GATAD2A: variants seen among roughly 807,000 people sequenced by gnomAD.
GATAD2A encodes transcriptional repressor p66-alpha.
GATAD2A carries 12 observed loss-of-function variants against 68.5 expected under a neutral mutation model. That is an observed-to-expected ratio of 0.18 (90% CI 0.11 to 0.28). The LOEUF is 0.28. Among genes scored for constraint, GATAD2A ranks in the 10% least tolerant of loss-of-function variants. The pLI is 1.00. For synonymous variants in GATAD2A, 410 were observed against 375.3 expected, an observed-to-expected ratio of 1.09 and a Z score of -1.07; for missense variants, 755 against 868.5, an observed-to-expected ratio of 0.87 and a Z score of 1.64.
chr19:19,436,611 A>T (rs186001855), intron 1 of GATAD2A, among the ~76,000 whole-genome samples: 3 of 152,316 alleles, frequency 2.0e-5, no homozygotes, highest in Admixed American at 2.0e-4. Flanking sequence ...AGGGCCCCAC[A>T]CTGGTTCTTG....
intron 2 of GATAD2A, among the ~76,000 whole-genome samples, chr19:19,470,941 G>A (rs191471390): frequency 6.6e-6 from 1 of 152,280 alleles, no homozygotes; most frequent in East Asian, 1.9e-4. Flanking sequence ...ACCTGCAGCA[G>A]CATGATTCAT....
At chr19:19,403,718 G>C (rs1445687921), upstream of GATAD2A, among the ~76,000 whole-genome samples, 1 of 152,182 alleles carries the variant, frequency 6.6e-6, no homozygotes, top group Admixed American at 6.5e-5. Context: ...CAAGACCCAG[G>C]TGAGGAGCAG....
At chr19:19,468,982 T>C (rs1198661617) in intron 2 of GATAD2A, among the ~76,000 whole-genome samples, 2 of 152,240 alleles carry the variant, frequency 1.3e-5, no homozygotes. Context: ...GTCATATTAG[T>C]ACAAAAGATG....
chr19:19,413,147 A>G (rs1033538016), intron 1 of GATAD2A, among the ~76,000 whole-genome samples: 2 of 152,188 alleles, frequency 1.3e-5, no homozygotes, highest in African/African-American at 4.8e-5. Flanking sequence ...TGGGGTTTCA[A>G]GTTGGTGGAA....
rs568442303 is a variant in GATAD2A, at chr19:19,472,641, G to GT, written c.269+7038dup. ...GAGCCACTGTACCCAGCCTTGATTTGTTTTTTTTTTTGGATGGAAGAGCAC... is the reference window on the plus strand; with the variant it reads ...GAGCCACTGTACCCAGCCTTGATTTGTTTTTTTTTTTTGGATGGAAGAGCAC... On this transcript the variant is annotated intron_variant, in intron 2 of 11. Transcript: ENST00000683918. The GT allele has an allele frequency of 7.3e-3, 1,060 of 145,466 alleles. 11 individuals carry two copies. The highest frequency in any genetic ancestry group is 0.027 in the South Asian group (122 of 4,574). 9.0% of individuals were successfully genotyped at this position (145,466 alleles called of 1,614,324 possible). A position where few individuals can be genotyped will look rare whatever the true frequency, so the allele number is the denominator to read the frequency against.
intron 1 of GATAD2A, among the ~76,000 whole-genome samples, chr19:19,434,186 C>T (rs1269039818): frequency 6.6e-6 from 1 of 152,102 alleles, no homozygotes; most frequent in Non-Finnish European, 1.5e-5. Context: ...TGGTTTGTGC[C>T]TGTGTGTAGA....
chr19:19,407,210 C>T (rs1247927721), intron 1 of GATAD2A, among the ~76,000 whole-genome samples: 1 of 152,226 alleles, frequency 6.6e-6, no homozygotes, highest in East Asian at 1.9e-4. Flanking sequence ...CTTAACTCTT[C>T]TGGTAGTCGT....
chr19:19,415,416 A>G, intron 1 of GATAD2A, among the ~76,000 whole-genome samples: 1 of 150,882 alleles, frequency 6.6e-6, no homozygotes, highest in Non-Finnish European at 1.5e-5. Context: ...TGGCCTCCCA[A>G]AGCCCTGGGA....
chr19:19,473,277 G>A (rs1160708014), intron 2 of GATAD2A, among the ~76,000 whole-genome samples: 1 of 152,204 alleles, frequency 6.6e-6, no homozygotes, highest in Non-Finnish European at 1.5e-5. Flanking sequence ...AGGCTGGGAT[G>A]TGTGTTCCTT....
At chr19:19,396,853 C>T (rs771264559) in intron 1 of GATAD2A, among the ~76,000 whole-genome samples, 4 of 152,084 alleles carry the variant, frequency 2.6e-5, no homozygotes, top group South Asian at 2.1e-4. Context: ...GGATTACAGG[C>T]GCCTGCCACC....
chr19:19,460,270 A>T (rs1275509421), intron 1 of GATAD2A, among the ~76,000 whole-genome samples: 1 of 152,230 alleles, frequency 6.6e-6, no homozygotes, highest in Non-Finnish European at 1.5e-5. Context: ...TTCTGGGTCC[A>T]GAGGCCCATC....
At chr19:19,391,825 C>T (rs987719094) in intron 1 of GATAD2A, among the ~76,000 whole-genome samples, 3 of 152,262 alleles carry the variant, frequency 2.0e-5, no homozygotes, top group African/African-American at 7.2e-5. Flanking sequence ...ATTTATGGAA[C>T]TGAAATAGCT....
At chr19:19,386,190 G>C (rs1403188883) in intron 1 of GATAD2A, 1 of 152,336 alleles carries the variant, frequency 6.6e-6, no homozygotes, top group Non-Finnish European at 1.5e-5. Flanking sequence ...GGTGCCCCAG[G>C]CTCTCTGGGG....
intron 11 of GATAD2A, among the ~76,000 whole-genome samples, chr19:19,504,639 CCT>C (rs2060763666): frequency 7.3e-6 from 1 of 136,886 alleles, no homozygotes. Flanking sequence ...GTTTTTTTTT[CCT>C]TTTTTTTTTT....
At position 19,501,981 on chromosome 19, in the gene GATAD2A, C is replaced by A; in HGVS notation, c.1516C>A (p.Arg506=). Residue 506 remains arginine, a synonymous_variant, in exon 10 of 12, where the codon CGG becomes AGG. Transcript: ENST00000683918. ...CCCGTTTGTGTAGGTCATAAAACCC[C>A]GGCGTAAGTTGGCGTTCCGCTCAGG... is the stretch of plus-strand genomic sequence containing the variant. ...HPVLKQVIKP[R]RKLAFRSGEA... The A allele has an allele frequency of 6.2e-7, 1 of 1,613,870 alleles. No individual in the cohort carries two copies. Among genetic ancestry groups the A allele is most frequent in the Non-Finnish European group, 8.5e-7 (1 of 1,179,816 alleles).
At chr19:19,486,807 C>T (rs1600258790) in intron 2 of GATAD2A, among the ~76,000 whole-genome samples, 1 of 152,258 alleles carries the variant, frequency 6.6e-6, no homozygotes, top group East Asian at 1.9e-4. Context: ...ACTGAAGTCT[C>T]ACCTCACCAG....
intron 1 of GATAD2A, among the ~76,000 whole-genome samples, chr19:19,442,688 T>C (rs2055233014): frequency 6.6e-6 from 1 of 151,248 alleles, no homozygotes; most frequent in Non-Finnish European, 1.5e-5. Context: ...CCATCCTAGC[T>C]GTTCCGGAGG....
chr19:19,417,439 C>G (rs781163928), intron 1 of GATAD2A, among the ~76,000 whole-genome samples: 8 of 152,180 alleles, frequency 5.3e-5, no homozygotes, highest in Admixed American at 3.9e-4. Flanking sequence ...TTTTTCTTGG[C>G]TCTCTCAGTC....
intron 1 of GATAD2A, among the ~76,000 whole-genome samples, chr19:19,430,931 C>T (rs2053649126): frequency 1.3e-5 from 2 of 150,794 alleles, no homozygotes; most frequent in South Asian, 4.2e-4. Context: ...GCTGATCTTC[C>T]CTCAGTTTGA....
Sources: allele counts gnomAD v4.1 joint callset (sites outside exome capture counted in the v4.1 genomes callset), GRCh38; gene constraint gnomAD v4.1.1; transcripts MANE v1.5; gene names NCBI Gene and HGNC (gene_info 2026-07-23, HGNC 2026-07-21).